Variants in KATNAL2 observed in about 807,000 individuals in gnomAD.
KATNAL2 encodes katanin catalytic subunit A1 like 2, also known as katanin p60 ATPase-containing subunit A-like 2.
A neutral mutation model predicts 76.3 loss-of-function variants in KATNAL2; 52 were observed. That is an observed-to-expected ratio of 0.68 (90% CI 0.55 to 0.86). The LOEUF is 0.86. Ranked by LOEUF, KATNAL2 falls within the 40% of genes least tolerant of loss-of-function variation. The pLI is 0.00. For synonymous variants in KATNAL2, 243 were observed against 244.2 expected (o/e 1.00, Z 0.05); for missense variants, 660 against 668.9 (o/e 0.99, Z 0.15).
In KATNAL2 at chr18:47,069,551, C is replaced by T. The variant is rs140833601; in HGVS notation, c.959C>T (p.Ala320Val). ...AAAACAACCTTCTTTAACATTTCTG[C>T]ATCCACCATTGTCAGCAAATGGAGA... is the stretch of plus-strand genomic sequence containing the variant. ...ECKTTFFNISASTIVSKWRGD... is the reference protein window; with the variant it reads ...ECKTTFFNISVSTIVSKWRGD... Residue 320 changes from alanine (A) to valine (V), a missense_variant, in exon 13 of 18, where the codon GCA (alanine) becomes GTA (valine). By Grantham distance (64) the Ala-to-Val change is moderately conservative. Transcript: ENST00000683218. The T allele has an allele frequency of 3.2e-4, 513 of 1,613,896 alleles. No homozygotes were observed. The highest frequency in any genetic ancestry group is 3.8e-4 in the Non-Finnish European group (449 of 1,179,950).
chr18:47,071,478 C>T (rs1194382842), intron 13 of KATNAL2, among the ~76,000 whole-genome samples: 1 of 152,086 alleles, frequency 6.6e-6, no homozygotes, highest in Non-Finnish European at 1.5e-5. Flanking sequence ...AAATTCATCT[C>T]ACTAGAATTC....
chr18:47,085,820 A>T (rs1179149431), intron 15 of KATNAL2, among the ~76,000 whole-genome samples: 1 of 152,158 alleles, frequency 6.6e-6, no homozygotes, highest in East Asian at 1.9e-4. Flanking sequence ...TACTATTTGC[A>T]GGCTGGGAAT....
chr18:46,934,892 T>A (rs903917481), intron 1 of KATNAL2, among the ~76,000 whole-genome samples: 10 of 152,314 alleles, frequency 6.6e-5, no homozygotes, highest in African/African-American at 2.4e-4. Flanking sequence ...CCAGCACCAT[T>A]TATTAAATAG....
At chr18:46,923,914 A>G (rs2146499223) in intron 1 of KATNAL2, among the ~76,000 whole-genome samples, 1 of 151,878 alleles carries the variant, frequency 6.6e-6, no homozygotes, top group East Asian at 1.9e-4. Flanking sequence ...CCACTTTTTG[A>G]TAGGGTTGTT....
intron 3 of KATNAL2, among the ~76,000 whole-genome samples, chr18:46,948,257 TGC>T (rs1411197936): frequency 2.6e-5 from 4 of 151,792 alleles, no homozygotes; most frequent in Non-Finnish European, 5.9e-5. Context: ...ACTGCAGTTA[TGC>T]GCCACCATGC....
intron 3 of KATNAL2, among the ~76,000 whole-genome samples, chr18:47,040,284 A>G (rs2060919427): frequency 6.6e-6 from 1 of 152,252 alleles, no homozygotes; most frequent in South Asian, 2.1e-4. Flanking sequence ...CCGGCTGGTA[A>G]CCACAGTTGT....
chr18:47,060,374 G>T (rs2061596887), intron 8 of KATNAL2, among the ~76,000 whole-genome samples: 2 of 152,092 alleles, frequency 1.3e-5, no homozygotes, highest in African/African-American at 4.8e-5. Flanking sequence ...ATGGCTCCTG[G>T]TCTAAATGTA....
intron 4 of KATNAL2, among the ~76,000 whole-genome samples, chr18:47,048,949 C>T (rs994776565): frequency 4.0e-5 from 6 of 150,814 alleles, no homozygotes; most frequent in Non-Finnish European, 8.8e-5. Flanking sequence ...ATTCTCCTGC[C>T]TCAGCCTCCC....
chr18:47,050,245 C>A (rs983747692), intron 4 of KATNAL2, among the ~76,000 whole-genome samples: 1 of 152,062 alleles, frequency 6.6e-6, no homozygotes, highest in African/African-American at 2.4e-5. Flanking sequence ...TTTGAGAATG[C>A]TGTCTTCCTA....
At chr18:47,057,232 C>T (rs570215028) in intron 6 of KATNAL2, among the ~76,000 whole-genome samples, 6 of 152,306 alleles carry the variant, frequency 3.9e-5, no homozygotes, top group South Asian at 4.1e-4. Flanking sequence ...TTGCTTCTAA[C>T]GAACCTTCTG....
At chr18:47,031,565 A>G (rs1023632179) in intron 3 of KATNAL2, among the ~76,000 whole-genome samples, 1 of 152,088 alleles carries the variant, frequency 6.6e-6, no homozygotes, top group African/African-American at 2.4e-5. Flanking sequence ...AAAAATAGGT[A>G]AATTTGCTGT....
In KATNAL2 at chr18:47,102,193, T is replaced by G. The variant is rs573354283; in HGVS notation, c.*1188T>G. ...ACATCATTTCATGGAAAATGTCAAATTGAAAATATACCTTATTTAACAAAT... is the reference window on the plus strand; with the variant it reads ...ACATCATTTCATGGAAAATGTCAAAGTGAAAATATACCTTATTTAACAAAT... On this transcript the variant is annotated 3_prime_UTR_variant, in exon 18 of 18. Coordinates refer to ENST00000683218, the MANE Select transcript of KATNAL2 (RefSeq NM_001387690.1). 2 of 152,332 alleles carry G rather than the reference T, an allele frequency of 1.3e-5. No individual in the cohort carries two copies. The highest frequency in any genetic ancestry group is 4.8e-5 in the African/African-American group (2 of 41,562). The allele number at this position is 152,332 out of a possible 1,614,324, so 9.4% of individuals were successfully genotyped here. A position where few individuals can be genotyped will look rare whatever the true frequency, so the allele number is the denominator to read the frequency against.
intron 13 of KATNAL2, among the ~76,000 whole-genome samples, chr18:47,074,750 G>A (rs1363078844): frequency 6.6e-6 from 1 of 152,144 alleles, no homozygotes; most frequent in African/African-American, 2.4e-5. Context: ...TTGAGGTAGT[G>A]TGGGAAGGCT....
At chr18:47,081,302 G>A (rs1433954300) in intron 15 of KATNAL2, among the ~76,000 whole-genome samples, 2 of 151,994 alleles carry the variant, frequency 1.3e-5, no homozygotes, top group African/African-American at 4.8e-5. Context: ...ATATTGTGAG[G>A]CACATGCATA....
rs1216696940 is a variant in KATNAL2 at position 46,938,349 on chromosome 18, A to G, written c.-509-7708A>G. On this transcript the variant is annotated intron_variant, in intron 1 of 17. Coordinates refer to ENST00000683218, the MANE Select transcript of KATNAL2 (RefSeq NM_001387690.1). ...CCAGGACAGCTGGTACCTCTGGGGG[A>G]TGGGAATAGGATCTGTAAAGGCTAT... Among the ~76,000 whole-genome samples the G allele has an allele frequency of 3.3e-5, 5 of 152,244 alleles. No homozygotes were observed. The East Asian group carries it at 9.7e-4, about 29-fold the overall frequency.
At chr18:46,939,104 G>C (rs2059172305) in intron 1 of KATNAL2, among the ~76,000 whole-genome samples, 1 of 152,122 alleles carries the variant, frequency 6.6e-6, no homozygotes, top group Non-Finnish European at 1.5e-5. Context: ...CACTTTGGGA[G>C]GCCGAGGCGG....
chr18:47,065,789 G>C (rs2147170790), intron 10 of KATNAL2, among the ~76,000 whole-genome samples: 1 of 151,968 alleles, frequency 6.6e-6, no homozygotes, highest in South Asian at 2.1e-4. Flanking sequence ...TTTGAGACTG[G>C]GCAACATAGT....
chr18:47,033,986 C>A (rs943179442), intron 3 of KATNAL2: 6 of 1,613,494 alleles, frequency 3.7e-6, no homozygotes, highest in Non-Finnish European at 5.1e-6. Context: ...AATTTCTTAG[C>A]CGAATCCCAG....
chr18:46,961,814 G>C (rs530724384), intron 3 of KATNAL2, among the ~76,000 whole-genome samples: 2 of 152,148 alleles, frequency 1.3e-5, no homozygotes, highest in East Asian at 3.9e-4. Context: ...TGGGCTTTCT[G>C]CTAGGTAAAA....
Sources: gnomAD v4.1 joint callset for allele counts (sites outside exome capture counted in the v4.1 genomes callset) on GRCh38, gnomAD v4.1.1 for gene constraint, MANE v1.5 for transcripts, NCBI Gene and HGNC (gene_info 2026-07-23, HGNC 2026-07-21) for gene names.